ASTN2: variants seen among roughly 807,000 people sequenced by gnomAD.
ASTN2 encodes astrotactin 2.
Under a neutral mutation model 139.8 loss-of-function variants are expected in ASTN2, and 54 were observed. The ratio of observed to expected loss-of-function variants is 0.39; its 90% CI spans 0.31 to 0.48. The LOEUF is 0.48. ASTN2 is among the 20% of genes least tolerant of loss of function. The pLI is 0.95. For synonymous variants in ASTN2, 756 were observed against 719.5 expected (o/e 1.05, Z -0.81); for missense variants, 1,565 against 1,725.1 (o/e 0.91, Z 1.64).
At chr9:116,687,329 A>AGGCAGGCGGGTGGGC (rs1860295617) in intron 16 of ASTN2, 2 of 953,932 alleles carry the variant, frequency 2.1e-6, no homozygotes, top group South Asian at 9.9e-5. Context: ...GCGCAGAGGG[A>AGGCAGGCGGGTGGGC]GGCAGGCGGG....
chr9:116,910,708 A>G (rs1377865535), intron 10 of ASTN2, among the ~76,000 whole-genome samples: 1 of 152,186 alleles, frequency 6.6e-6, no homozygotes, highest in East Asian at 1.9e-4. Context: ...CCAGAAAAGA[A>G]GGGTTTGGAT....
intron 1 of ASTN2, among the ~76,000 whole-genome samples, chr9:117,328,484 C>T (rs1376540692): frequency 6.6e-6 from 1 of 152,200 alleles, no homozygotes; most frequent in Admixed American, 6.5e-5. Context: ...TGAAAGACCT[C>T]AGGCTGAATG....
chr9:116,656,515 T>C (rs969799315), intron 16 of ASTN2, among the ~76,000 whole-genome samples: 1 of 152,170 alleles, frequency 6.6e-6, no homozygotes, highest in African/African-American at 2.4e-5. Flanking sequence ...ACTTATCCTC[T>C]GTTCACATTT....
chr9:117,182,151 C>T (rs1831085931), intron 3 of ASTN2, among the ~76,000 whole-genome samples: 2 of 151,890 alleles, frequency 1.3e-5, no homozygotes, highest in African/African-American at 2.4e-5. Context: ...CTCCCCTGCC[C>T]ACACTTCCTG....
At chr9:116,914,134 G>T (rs542377794) in intron 10 of ASTN2, among the ~76,000 whole-genome samples, 24 of 151,574 alleles carry the variant, frequency 1.6e-4, no homozygotes, top group African/African-American at 5.3e-4. Flanking sequence ...CAGAGGATAT[G>T]GCTAGAAGAA....
chr9:116,857,325 C>T (rs997894875), intron 11 of ASTN2, among the ~76,000 whole-genome samples: 1 of 152,082 alleles, frequency 6.6e-6, no homozygotes, highest in Non-Finnish European at 1.5e-5. Context: ...CTCGTATGAC[C>T]ACTCTTTTCT....
intron 3 of ASTN2, among the ~76,000 whole-genome samples, chr9:117,201,886 A>G (rs1831734592): frequency 1.3e-5 from 2 of 152,106 alleles, no homozygotes; most frequent in South Asian, 4.2e-4. Flanking sequence ...TCAAGTCCTG[A>G]ATATCCTTGT....
intron 13 of ASTN2, among the ~76,000 whole-genome samples, chr9:116,803,513 TATATATA>T (rs1339382324): frequency 2.4e-3 from 20 of 8,490 alleles, no homozygotes; most frequent in African/African-American, 4.1e-3. Flanking sequence ...TATATATATA[TATATATA>T]TATTTTTTTT....
Position 116,901,275 on chromosome 9 carries a change from G to A in ASTN2, c.1890-37542C>T, listed in dbSNP as rs112313845. Reference sequence around the variant, plus strand: ...TGCAGTGGCTTACACCCATAAGGAGGCTGAGGTGGGAGGATCCTTTGAGCC... The same window carrying A: ...TGCAGTGGCTTACACCCATAAGGAGACTGAGGTGGGAGGATCCTTTGAGCC... On this transcript the variant is annotated intron_variant, in intron 10 of 22. Transcript: ENST00000313400. Among the ~76,000 whole-genome samples, 1,093 of 152,246 alleles carry A rather than the reference G, an allele frequency of 7.2e-3. 10 individuals are homozygous for A. Among genetic ancestry groups the A allele is most frequent in the African/African-American group, 0.025 (1,025 of 41,532 alleles).
chr9:117,222,606 A>G (rs564946022), intron 2 of ASTN2, among the ~76,000 whole-genome samples: 1 of 152,280 alleles, frequency 6.6e-6, no homozygotes, highest in African/African-American at 2.4e-5. Flanking sequence ...TTTACCTGGA[A>G]TGATGCCCTC....
intron 7 of ASTN2, among the ~76,000 whole-genome samples, chr9:116,991,431 G>GT (rs147007477): frequency 0.069 from 10,425 of 152,178 alleles, 1,073 homozygotes; most frequent in African/African-American, 0.23. Context: ...TCTTTTGTGT[G>GT]TTAAGTATTG....
intron 11 of ASTN2, among the ~76,000 whole-genome samples, chr9:116,839,188 G>A (rs1832113744): frequency 6.6e-6 from 1 of 152,090 alleles, no homozygotes; most frequent in Non-Finnish European, 1.5e-5. Context: ...CTGTCACCCA[G>A]GCTGGAGTGC....
At chr9:116,931,407 C>T (rs1834894654) in intron 10 of ASTN2, among the ~76,000 whole-genome samples, 3 of 152,138 alleles carry the variant, frequency 2.0e-5, no homozygotes, top group Admixed American at 2.0e-4. Flanking sequence ...TGGGGGAAGA[C>T]ATGAAGGCAG....
intron 3 of ASTN2, among the ~76,000 whole-genome samples, chr9:117,212,805 C>A (rs1035440881): frequency 6.6e-6 from 1 of 151,968 alleles, no homozygotes; most frequent in Non-Finnish European, 1.5e-5. Context: ...GGTGAGAATG[C>A]GGAGAAAAGA....
intron 10 of ASTN2, among the ~76,000 whole-genome samples, chr9:116,933,905 A>G (rs1834982424): frequency 6.6e-6 from 1 of 151,374 alleles, no homozygotes; most frequent in African/African-American, 2.4e-5. Context: ...TACTTGGTAA[A>G]TGGAGGGTAC....
chr9:117,281,288 AGAAAGGTTCAGTAATGT>A (rs1834317823), intron 2 of ASTN2, among the ~76,000 whole-genome samples: 1 of 152,144 alleles, frequency 6.6e-6, no homozygotes, highest in Non-Finnish European at 1.5e-5. Flanking sequence ...AGTGAGGTTC[AGAAAGGTTCAGTAATGT>A]GCCAAAGGAC....
intron 10 of ASTN2, among the ~76,000 whole-genome samples, chr9:116,877,097 T>A (rs1441071419): frequency 1.3e-5 from 2 of 152,210 alleles, no homozygotes; most frequent in African/African-American, 4.8e-5. Flanking sequence ...ACATTTACCC[T>A]ATTTGGAAAA....
intron 20 of ASTN2, among the ~76,000 whole-genome samples, chr9:116,460,138 G>C (rs1403748034): frequency 6.6e-6 from 1 of 152,054 alleles, no homozygotes; most frequent in Non-Finnish European, 1.5e-5. Flanking sequence ...CTAAGTGAAA[G>C]AATCCAGACA....
intron 5 of ASTN2, among the ~76,000 whole-genome samples, chr9:117,088,318 C>T (rs1323861319): frequency 6.6e-6 from 1 of 152,186 alleles, no homozygotes; most frequent in African/African-American, 2.4e-5. Flanking sequence ...TCCGCCCTCA[C>T]ACCTTGGCAG....
Sources: gnomAD v4.1 joint callset for allele counts (sites outside exome capture counted in the v4.1 genomes callset) on GRCh38, gnomAD v4.1.1 for gene constraint, MANE v1.5 for transcripts, NCBI Gene and HGNC (gene_info 2026-07-23, HGNC 2026-07-21) for gene names.